Variants in ADAMTS10 observed in about 807,000 individuals in gnomAD.
The protein encoded by ADAMTS10 is A disintegrin and metalloproteinase with thrombospondin motifs 10.
In ADAMTS10, 48 loss-of-function variants were observed where a neutral mutation model predicts 135.9. The ratio of observed to expected loss-of-function variants is 0.35; its 90% CI spans 0.28 to 0.45. The LOEUF (loss-of-function observed/expected upper bound fraction) is 0.45, where lower values mean the gene tolerates loss of function less well. ADAMTS10 is among the 20% of genes least tolerant of loss of function. ADAMTS10 has a pLI of 1.00. For synonymous variants in ADAMTS10, 621 were observed against 647.5 expected, an observed-to-expected ratio of 0.96 and a Z score of 0.62; for missense variants, 1,131 against 1,565.2, an observed-to-expected ratio of 0.72 and a Z score of 4.68.
At chr19:8,587,159 C>CTTT (rs1201726308) in intron 18 of ADAMTS10, among the ~76,000 whole-genome samples, 1 of 151,044 alleles carries the variant, frequency 6.6e-6, no homozygotes, top group Admixed American at 6.6e-5. Context: ...TTCTTTCTTT[C>CTTT]TTTCTTTTTT....
chr19:8,595,846 C>T lies in ADAMTS10; in HGVS notation c.1395G>A (p.Pro465=), dbSNP rs367671600. 2.4e-5 allele frequency: 39 copies of T among 1,614,068 alleles called. No individual in the cohort carries two copies. The African/African-American group carries it at 3.3e-4, about 14-fold the overall frequency. The change falls in exon 12 of 26, where the codon CCG becomes CCA. Residue 465 remains proline, a synonymous_variant. Coordinates refer to ENST00000597188, the MANE Select transcript of ADAMTS10 (RefSeq NM_030957.4). ...NRPPRQDFVY[P]TVAPGQAYDA... is the part of the protein sequence containing the mutation. ...CGTAGGCTTGGCCCGGTGCCACTGTCGGGTACACAAAGTCCTGTCTGGGGG... is the reference window on the plus strand; with the variant it reads ...CGTAGGCTTGGCCCGGTGCCACTGTTGGGTACACAAAGTCCTGTCTGGGGG...
rs781939595 is a variant in ADAMTS10, at chr19:8,592,846, G to A, written c.1504C>T (p.Leu502=). ...YGEVCSELWC[L]SKSNRCITNS... is the part of the protein sequence containing the mutation. The stretch of plus-strand genomic sequence containing the variant: ...GTGATGCACCGGTTGCTCTTGCTCA[G>A]ACACCACAGCTCGCTGCAGACCTCC... Residue 502 remains leucine, a synonymous_variant, in exon 13 of 26, where the codon CTG becomes TTG. Transcript: ENST00000597188. 2 of 1,612,526 alleles carry A rather than the reference G, an allele frequency of 1.2e-6. No individual in the cohort carries two copies.
At chr19:8,599,875 C>G (rs1346846333) in intron 6 of ADAMTS10, among the ~76,000 whole-genome samples, 4 of 151,734 alleles carry the variant, frequency 2.6e-5, no homozygotes, top group Admixed American at 6.6e-5. Flanking sequence ...TGCTCTGTTG[C>G]CCAGGCTGGA....
chr19:8,600,082 C>T (rs1327865142), intron 6 of ADAMTS10, among the ~76,000 whole-genome samples: 7 of 152,198 alleles, frequency 4.6e-5, no homozygotes, highest in African/African-American at 2.4e-5. Context: ...AGTGATCTGC[C>T]CACCTTGGGC....
Position 8,603,715 on chromosome 19 carries a change from A to G in ADAMTS10, c.592+13T>C. ...GTGTAGCCCTCTGCCCATCCCCAGA[A>G]AGACCGATGTACCTCTCACTCCACA... On this transcript the variant is annotated intron_variant, in intron 5 of 25. Transcript: ENST00000597188. 3 of 1,614,072 alleles carry G rather than the reference A, an allele frequency of 1.9e-6. No homozygotes were observed. The highest frequency in any genetic ancestry group is 2.5e-6 in the Non-Finnish European group (3 of 1,180,002).
intron 6 of ADAMTS10, among the ~76,000 whole-genome samples, chr19:8,598,143 A>C (rs1171502953): frequency 6.6e-6 from 1 of 152,118 alleles, no homozygotes; most frequent in African/African-American, 2.4e-5. Context: ...AACAGGTGCT[A>C]TTATCATCCC....
At chr19:8,606,453 G>C (rs1048387584) in intron 2 of ADAMTS10, among the ~76,000 whole-genome samples, 5 of 152,144 alleles carry the variant, frequency 3.3e-5, no homozygotes, top group Non-Finnish European at 7.3e-5. Flanking sequence ...CCAGGCTGGA[G>C]TGCAATGGCG....
intron 5 of ADAMTS10, among the ~76,000 whole-genome samples, chr19:8,602,389 A>C (rs891922528): frequency 2.7e-5 from 4 of 150,812 alleles, no homozygotes; most frequent in Admixed American, 2.6e-4. Flanking sequence ...CGAAATCTCA[A>C]CTCACCGCAA....
At position 8,584,884 on chromosome 19, in the gene ADAMTS10, C is replaced by A; in HGVS notation, c.3202+11G>T. 1 of 1,548,802 alleles carries A rather than the reference C, an allele frequency of 6.5e-7. No homozygotes were observed. The highest frequency in any genetic ancestry group is 1.2e-5 in the South Asian group (1 of 83,958). On this transcript the variant is annotated intron_variant, in intron 25 of 25. Transcript: ENST00000597188. ...ACCCTCCTGGCGCACCCTGGCTGGT[C>A]ACCCACATACCTTCAGGGCCGTCCC... is the stretch of plus-strand genomic sequence containing the variant.
chr19:8,597,130 G>A lies in ADAMTS10; in HGVS notation c.897C>T (p.Pro299=), dbSNP rs1555740444. ...CGGCATGGTGGGTGATCTCCAGAGT[G>A]GGCTGGGGATGGACAGAGGGAAATG... ...TRLILLTEDQ[P]TLEITHHAGK... Residue 299 remains proline (P), a splice_region_variant and synonymous_variant, in exon 8 of 26, where the codon CCC becomes CCT. Coordinates refer to ENST00000597188, the MANE Select transcript of ADAMTS10 (RefSeq NM_030957.4). 4 of 1,614,190 alleles carry A rather than the reference G, an allele frequency of 2.5e-6. No individual in the cohort carries two copies. The highest frequency in any genetic ancestry group is 1.7e-5 in the Admixed American group (1 of 60,018).
intron 18 of ADAMTS10, 40 bp from the exon 19 acceptor site, chr19:8,586,936 C>A: frequency 6.2e-7 from 1 of 1,602,320 alleles, no homozygotes; most frequent in Non-Finnish European, 8.6e-7. Flanking sequence ...TTGGCATGTC[C>A]CCAACACCTG....
intron 21 of ADAMTS10, 36 bp downstream of exon 21, chr19:8,586,308 C>G: frequency 6.2e-7 from 1 of 1,613,382 alleles, no homozygotes; most frequent in Non-Finnish European, 8.5e-7. Context: ...AACCTCAGCC[C>G]AGGTATCTTG....
At chr19:8,584,357 G>A (rs1192679957) in intron 25 of ADAMTS10, among the ~76,000 whole-genome samples, 6 of 151,614 alleles carry the variant, frequency 4.0e-5, no homozygotes, top group Admixed American at 2.6e-4. Context: ...GGTAGAAGCC[G>A]GGGATGCTGC....
intron 12 of ADAMTS10, 44 bp downstream of exon 12, chr19:8,595,718 G>GCCCCCCCCCCCCC: frequency 7.1e-7 from 1 of 1,403,580 alleles, no homozygotes; most frequent in Non-Finnish European, 9.9e-7. Flanking sequence ...AGCCCCAGCG[G>GCCCCCCCCCCCCC]CCCCCTCCCC....
chr19:8,604,118 G>A (rs1555742041), intron 4 of ADAMTS10, among the ~76,000 whole-genome samples: 1 of 151,282 alleles, frequency 6.6e-6, no homozygotes, highest in East Asian at 1.9e-4. Context: ...TGGTGCAATC[G>A]TAGCTCACTG....
At chr19:8,602,601 G>A (rs1555741749) in intron 5 of ADAMTS10, among the ~76,000 whole-genome samples, 1 of 152,052 alleles carries the variant, frequency 6.6e-6, no homozygotes, top group African/African-American at 2.4e-5. Context: ...GATTACAGGC[G>A]TGAGACACTG....
chr19:8,586,234 C>T lies in ADAMTS10; in HGVS notation c.2548G>A (p.Val850Met), dbSNP rs1568392931. 6.2e-7 allele frequency: 1 copy of T among 1,613,090 alleles called. No individual in the cohort carries two copies. Among genetic ancestry groups the T allele is most frequent in the Non-Finnish European group, 8.5e-7 (1 of 1,179,876 alleles). The part of the protein sequence containing the change: ...QCAGGSQVQA[V>M]ECRNQLDSSA... ...CTGTCCAGCTGGTTGCGGCACTCCA[C>T]CGCCTGCACCTGGCTACCTGGAGGG... The change falls in exon 22 of 26, where the codon GTG becomes ATG. Residue 850 changes from valine (V) to methionine (M), a missense_variant. Transcript: ENST00000597188.
Position 8,605,792 on chromosome 19 carries a change from C to T in ADAMTS10, c.-82G>A, listed in dbSNP as rs974573513. 43 of 1,531,076 alleles carry T rather than the reference C, an allele frequency of 2.8e-5. No individual in the cohort carries two copies. The Middle Eastern group carries it at 6.2e-4, about 22-fold the overall frequency. The allele number at this position is 1,531,076 out of a possible 1,614,324, so 94.8% of individuals were successfully genotyped here. A position where few individuals can be genotyped will look rare whatever the true frequency, so the allele number is the denominator to read the frequency against. ...TGCCGCCTCCCCTGTTCACAGCCTT[C>T]GCAGCATCACCGGGCTCCTGGGAGG... On this transcript the variant is annotated 5_prime_UTR_variant, in exon 3 of 26. Transcript: ENST00000597188. The surrounding 1 kb of genome is among the most constrained non-coding windows in gnomAD (Gnocchi z 7.7).
At position 8,580,881 on chromosome 19, in the gene ADAMTS10, G is replaced by A; in HGVS notation, c.*12C>T. 6.3e-7 allele frequency: 1 copy of A among 1,589,690 alleles called. No individual in the cohort carries two copies. The highest frequency in any genetic ancestry group is 8.6e-7 in the Non-Finnish European group (1 of 1,167,190). Reference sequence around the variant, plus strand: ...GACCCCGCCAGCTGTGGCTCCGGGTGCCGCGCGCCCCCTAGTGGCCATGGC... The same window carrying A: ...GACCCCGCCAGCTGTGGCTCCGGGTACCGCGCGCCCCCTAGTGGCCATGGC... On this transcript the variant is annotated 3_prime_UTR_variant, in exon 26 of 26. Transcript: ENST00000597188.
Sources: allele counts gnomAD v4.1 joint callset (sites outside exome capture counted in the v4.1 genomes callset), GRCh38; gene constraint gnomAD v4.1.1; non-coding constraint Gnocchi (gnomAD v3.1); transcripts MANE v1.5; gene names NCBI Gene and HGNC (gene_info 2026-07-23, HGNC 2026-07-21).